Variants in ABCC12 observed in about 807,000 individuals in gnomAD.
ABCC12 encodes ATP binding cassette subfamily C member 12.
ABCC12 carries 142 observed loss-of-function variants against 151.1 expected under a neutral mutation model. The observed-to-expected ratio is 0.94, with a 90% CI of 0.82 to 1.08. The LOEUF (loss-of-function observed/expected upper bound fraction) is 1.08. Among genes scored for constraint, ABCC12 ranks in the 50% least tolerant of loss-of-function variants. The pLI, the probability that ABCC12 is intolerant of heterozygous loss-of-function variation, is 0.00. For synonymous variants in ABCC12, 645 were observed against 646.4 expected (o/e 1.00, Z 0.03); for missense variants, 1,638 against 1,691.1 (o/e 0.97, Z 0.55).
chr16:48,092,887 C>T (rs1962960351), intron 24 of ABCC12, among the ~76,000 whole-genome samples: 2 of 152,116 alleles, frequency 1.3e-5, no homozygotes, highest in Non-Finnish European at 2.9e-5. Context: ...AAGAAGCAAG[C>T]GGTCTTAGCA....
At chr16:48,102,817 C>T (rs773904878) in intron 22 of ABCC12, among the ~76,000 whole-genome samples, 3 of 152,200 alleles carry the variant, frequency 2.0e-5, no homozygotes, top group South Asian at 2.1e-4. Flanking sequence ...CTCTTCACAT[C>T]GCTCTCCACC....
intron 2 of ABCC12, among the ~76,000 whole-genome samples, chr16:48,150,835 T>C (rs1477670971): frequency 6.6e-6 from 1 of 152,206 alleles, no homozygotes; most frequent in Non-Finnish European, 1.5e-5. Context: ...TATTTTAAGC[T>C]AACAGTGAGT....
At position 48,101,069 on chromosome 16, in the gene ABCC12, C is replaced by CTCACACAT; in HGVS notation, c.2901-68_2901-61dup. ...AAAGTGAGGTCTCATCAGGCTTGCC[C>CTCACACAT]TCACACATACAGAGCCAACTAGGCA... is the stretch of plus-strand genomic sequence containing the variant. On this transcript the variant is annotated intron_variant, in intron 22 of 30. Transcript: ENST00000311303. The CTCACACAT allele has an allele frequency of 3.2e-6, 5 of 1,580,454 alleles. No homozygotes were observed. The East Asian group carries it at 1.1e-4, about 36-fold the overall frequency.
At chr16:48,093,998 C>G (rs1225464541) in intron 24 of ABCC12, among the ~76,000 whole-genome samples, 1 of 152,204 alleles carries the variant, frequency 6.6e-6, no homozygotes, top group Non-Finnish European at 1.5e-5. Flanking sequence ...AGCCACAGAG[C>G]CAGCTGGAGA....
chr16:48,122,445 C>G (rs1224658322), intron 12 of ABCC12, among the ~76,000 whole-genome samples: 1 of 152,224 alleles, frequency 6.6e-6, no homozygotes, highest in Non-Finnish European at 1.5e-5. Flanking sequence ...TAAAACTATG[C>G]ATGGGCTCCA....
chr16:48,130,880 C>A lies in ABCC12; in HGVS notation c.1144G>T (p.Ala382Ser), dbSNP rs1157618118. 6.2e-7 allele frequency: 1 copy of A among 1,611,776 alleles called. No individual in the cohort carries two copies. Among genetic ancestry groups the A allele is most frequent in the Non-Finnish European group, 8.5e-7 (1 of 1,178,290 alleles). ...LTAPVAFSVI[A>S]MFNVMKFSIA... ...GAAAACTTCATTACATTAAACATGGCAATCACACTAAATGCCTGAAGAACA... is the reference window on the plus strand; with the variant it reads ...GAAAACTTCATTACATTAAACATGGAAATCACACTAAATGCCTGAAGAACA... The change falls in exon 10 of 31, where the codon GCC becomes TCC. Residue 382 changes from alanine to serine, a missense_variant. Coordinates refer to ENST00000311303, the MANE Select transcript of ABCC12 (RefSeq NM_001393797.1).
At chr16:48,098,471 G>A (rs890877155) in intron 23 of ABCC12, among the ~76,000 whole-genome samples, 3 of 152,152 alleles carry the variant, frequency 2.0e-5, no homozygotes, top group African/African-American at 4.8e-5. Context: ...CTGACCAGCC[G>A]CCCTGGGCTC....
chr16:48,109,949 A>G (rs1963628601), intron 18 of ABCC12, among the ~76,000 whole-genome samples: 1 of 152,140 alleles, frequency 6.6e-6, no homozygotes, highest in Non-Finnish European at 1.5e-5. Context: ...CCCGTTGTTT[A>G]TCCTTGAGGA....
At chr16:48,116,722 G>A (rs1963895979) in intron 14 of ABCC12, among the ~76,000 whole-genome samples, 1 of 152,136 alleles carries the variant, frequency 6.6e-6, no homozygotes, top group Non-Finnish European at 1.5e-5. Flanking sequence ...TCTCCTCTGG[G>A]GCTCCTGGGC....
At position 48,139,234 on chromosome 16, in the gene ABCC12, ACGCCG is replaced by A; in HGVS notation, c.755_759del (p.Ala252ValfsTer51). The A allele has an allele frequency of 6.2e-7, 1 of 1,614,182 alleles. No homozygotes were observed. The highest frequency in any genetic ancestry group is 8.5e-7 in the Non-Finnish European group (1 of 1,180,016). ...GTGGGCCCCAGAATGAAAAAGGCGT[ACGCCG>A]CACAAAAGACCATTAGGATCGGGAT... is the stretch of plus-strand genomic sequence containing the variant. On this transcript the variant is annotated frameshift_variant, in exon 7 of 31. Coordinates refer to ENST00000311303, the MANE Select transcript of ABCC12 (RefSeq NM_001393797.1). LOFTEE classifies it high-confidence loss of function.
At chr16:48,144,633 G>A (rs981240638) in intron 3 of ABCC12, among the ~76,000 whole-genome samples, 8 of 152,188 alleles carry the variant, frequency 5.3e-5, no homozygotes, top group East Asian at 1.9e-4. Context: ...CAGCAGTGAC[G>A]CTGAGGCCAC....
intron 27 of ABCC12, 126 bp downstream of exon 27, chr16:48,087,800 T>C (rs1324644535): frequency 2.9e-6 from 3 of 1,050,080 alleles, no homozygotes; most frequent in South Asian, 1.7e-5. Flanking sequence ...TGAGCCCCCC[T>C]GGGATACTGC....
At position 48,083,672 on chromosome 16, in the gene ABCC12, C is replaced by T. The variant is rs1366823962; in HGVS notation, c.*43G>A. The T allele has an allele frequency of 1.9e-6, 3 of 1,598,524 alleles. No individual in the cohort carries two copies. The highest frequency in any genetic ancestry group is 1.7e-6 in the Non-Finnish European group (2 of 1,167,732). On this transcript the variant is annotated 3_prime_UTR_variant, in exon 31 of 31. Transcript: ENST00000311303. ...CCTCCTGAAGACTCCTCCTATTCAT[C>T]TCACAGAGCCTCTTCCTCCTCTAGA...
intron 24 of ABCC12, 64 bp from the exon 25 acceptor site, chr16:48,091,273 C>G (rs924628699): frequency 1.9e-5 from 28 of 1,437,442 alleles, no homozygotes; most frequent in South Asian, 1.5e-4. Flanking sequence ...TGCAGCTCCC[C>G]GTTCAGGAGG....
chr16:48,086,636 T>C, intron 28 of ABCC12, 105 bp downstream of exon 28: 1 of 949,956 alleles, frequency 1.1e-6, no homozygotes, highest in South Asian at 1.4e-5. Flanking sequence ...CAAATAAACC[T>C]GGCTAAGTGC....
intron 23 of ABCC12, among the ~76,000 whole-genome samples, chr16:48,099,204 G>T (rs1420104342): frequency 6.6e-6 from 1 of 152,112 alleles, no homozygotes; most frequent in Admixed American, 6.6e-5. Flanking sequence ...GATCACTTGA[G>T]GTCAGGAGTT....
chr16:48,109,727 G>A (rs1410754257), intron 18 of ABCC12, among the ~76,000 whole-genome samples: 1 of 152,244 alleles, frequency 6.6e-6, no homozygotes, highest in African/African-American at 2.4e-5. Context: ...ACGCCTCAGC[G>A]TGTGAGCAGA....
At chr16:48,091,838 T>C (rs1465382737) in intron 24 of ABCC12, among the ~76,000 whole-genome samples, 2 of 152,210 alleles carry the variant, frequency 1.3e-5, no homozygotes. Context: ...GTCCATTTCC[T>C]AATCCCTGGA....
In ABCC12 at chr16:48,083,457, T is replaced by C; in HGVS notation, c.*258A>G. 2.2e-6 allele frequency: 1 copy of C among 446,038 alleles called. No homozygotes were observed. The highest frequency in any genetic ancestry group is 4.3e-5 in the South Asian group (1 of 23,308). The allele number at this position is 446,038 out of a possible 1,614,324, so 27.6% of individuals were successfully genotyped here. On this transcript the variant is annotated 3_prime_UTR_variant, in exon 31 of 31. Coordinates refer to ENST00000311303, the MANE Select transcript of ABCC12 (RefSeq NM_001393797.1). ...AAACACATGAGGAACCCTTGGGGAT[T>C]TGGGAGGTGAAGGGCAGTTTTTTAA...
Sources: gnomAD v4.1 joint callset for allele counts (sites outside exome capture counted in the v4.1 genomes callset) on GRCh38, gnomAD v4.1.1 for gene constraint, MANE v1.5 for transcripts, NCBI Gene and HGNC (gene_info 2026-07-23, HGNC 2026-07-21) for gene names.